The following GTF2IRD1 variants were observed in gnomAD, a reference collection of about 807,000 sequenced individuals.
GTF2IRD1 encodes GTF2I repeat domain containing 1, also known as general transcription factor II-I repeat domain-containing protein 1.
A neutral mutation model predicts 113.2 loss-of-function variants in GTF2IRD1; 26 were observed. The observed-to-expected ratio is 0.23, with a 90% CI of 0.17 to 0.32. The LOEUF is 0.32. Among genes scored for constraint, GTF2IRD1 ranks in the 10% least tolerant of loss-of-function variants. The pLI is 1.00. For synonymous variants in GTF2IRD1, 484 were observed against 529.1 expected, an observed-to-expected ratio of 0.91 and a Z score of 1.17; for missense variants, 864 against 1,280.8, an observed-to-expected ratio of 0.67 and a Z score of 4.97.
Position 74,524,270 on chromosome 7 carries a change from G to A in GTF2IRD1, c.1090+116G>A, listed in dbSNP as rs587625050. The A allele has an allele frequency of 2.9e-4, 189 of 649,480 alleles. No individual in the cohort carries two copies. The East Asian group carries it at 4.3e-3, about 15-fold the overall frequency. The allele number at this position is 649,480 out of a possible 1,614,324, so 40.2% of individuals were successfully genotyped here. A position where few individuals can be genotyped will look rare whatever the true frequency, so the allele number is the denominator to read the frequency against. On this transcript the variant is annotated intron_variant, in intron 8 of 26. Coordinates refer to ENST00000424337, the MANE Select transcript of GTF2IRD1 (RefSeq NM_005685.4). ...GCGGGAGCCATATGCTGGCTCCCGC[G>A]CGCCGGCACCGCTAATGTCATCCGT...
In GTF2IRD1 at chr7:74,555,141, G is replaced by A; in HGVS notation, c.1917-33G>A. ...GAGCAGTCCCAGAGATGCTTGGAGG[G>A]ACCTCTGTGATAGCCTCGCTTGTGT... On this transcript the variant is annotated intron_variant, in intron 17 of 26. Coordinates refer to ENST00000424337, the MANE Select transcript of GTF2IRD1 (RefSeq NM_005685.4). The surrounding 1 kb of genome is among the most constrained non-coding windows in gnomAD (Gnocchi z 5.3). 4.4e-6 allele frequency: 7 copies of A among 1,605,708 alleles called. No individual in the cohort carries two copies. Among genetic ancestry groups the A allele is most frequent in the Non-Finnish European group, 6.0e-6 (7 of 1,173,796 alleles).
chr7:74,500,081 C>T (rs1390758227), intron 1 of GTF2IRD1, among the ~76,000 whole-genome samples: 1 of 152,298 alleles, frequency 6.6e-6, no homozygotes, highest in African/African-American at 2.4e-5. Context: ...CATGTGTGCC[C>T]CTGCCGTTGA....
Position 74,564,951 on chromosome 7 carries a change from T to G in GTF2IRD1, c.2320+5296T>G, listed in dbSNP as rs587733410. The stretch of plus-strand genomic sequence containing the variant: ...AGCCTCAGAGGGCAGTGGGTGAATT[T>G]CAGGCCTCAGGTCAAGGGAGCTGTG... On this transcript the variant is annotated intron_variant, in intron 22 of 26. Coordinates refer to ENST00000424337, the MANE Select transcript of GTF2IRD1 (RefSeq NM_005685.4). Among the ~76,000 whole-genome samples, 11 of 152,180 alleles carry G rather than the reference T, an allele frequency of 7.2e-5. No individual in the cohort carries two copies. In the East Asian group the frequency reaches 1.9e-3, roughly 27 times the overall value.
chr7:74,591,374 CTTT>C (rs782483943), intron 24 of GTF2IRD1, among the ~76,000 whole-genome samples: 1 of 118,060 alleles, frequency 8.5e-6, no homozygotes, highest in Non-Finnish European at 1.7e-5. Context: ...CAGTGATTCT[CTTT>C]TTTTTTTTTT....
intron 22 of GTF2IRD1, among the ~76,000 whole-genome samples, chr7:74,584,829 C>T (rs1336541879): frequency 6.6e-6 from 1 of 152,074 alleles, no homozygotes; most frequent in Non-Finnish European, 1.5e-5. Flanking sequence ...GAGATGAAGT[C>T]TCGCTCTTGT....
At chr7:74,497,126 C>T (rs1240777349) in intron 1 of GTF2IRD1, among the ~76,000 whole-genome samples, 5 of 151,886 alleles carry the variant, frequency 3.3e-5, no homozygotes, top group Admixed American at 3.3e-4. Flanking sequence ...CACACCACTG[C>T]AATCCAGCCT....
At chr7:74,481,345 T>TG (rs1264458706) in intron 1 of GTF2IRD1, among the ~76,000 whole-genome samples, 5 of 152,016 alleles carry the variant, frequency 3.3e-5, no homozygotes, top group South Asian at 2.1e-4. Flanking sequence ...TTGTTAGAGA[T>TG]GGGGTCTTGC....
rs782273436 is a variant in GTF2IRD1 at position 74,538,168 on chromosome 7, G to A, written c.1442G>A (p.Gly481Glu). The change falls in exon 12 of 27, where the codon GGG becomes GAG. Residue 481 changes from glycine (G) to glutamate (E), a missense_variant. This residue lies in a region of GTF2IRD1 where 218 missense variants were observed against 352.6 expected (regional missense o/e 0.62). Transcript: ENST00000424337. ...AAGGGCAGCATGTCTGAAGACTGTGGGCCAGGTGAGAAGGAACAGGGCCCG... is the reference window on the plus strand; with the variant it reads ...AAGGGCAGCATGTCTGAAGACTGTGAGCCAGGTGAGAAGGAACAGGGCCCG... ...SDKGSMSEDC[G>E]PGTSGELGGL... The A allele has an allele frequency of 1.2e-6, 2 of 1,612,558 alleles. No homozygotes were observed. Among genetic ancestry groups the A allele is most frequent in the South Asian group, 2.2e-5 (2 of 91,014 alleles).
At chr7:74,536,052 G>C in intron 10 of GTF2IRD1, 115 bp from the exon 11 acceptor site, 1 of 688,100 alleles carries the variant, frequency 1.5e-6, no homozygotes, top group Non-Finnish European at 2.6e-6. Flanking sequence ...ACAGGCAGAG[G>C]CCAGGCCCTA....
chr7:74,542,519 CAA>C (rs1321334319), intron 14 of GTF2IRD1, among the ~76,000 whole-genome samples: 1 of 152,198 alleles, frequency 6.6e-6, no homozygotes, highest in Non-Finnish European at 1.5e-5. Context: ...TGGGGACAAA[CAA>C]GGGTAGAGCA....
chr7:74,538,883 C>T (rs1798464988), intron 13 of GTF2IRD1, 123 bp downstream of exon 13: 8 of 639,512 alleles, frequency 1.3e-5, no homozygotes, highest in Admixed American at 7.8e-5. Context: ...ATTCTGAGAG[C>T]CATCGGGGTA....
chr7:74,463,307 C>T (rs1312984956), intron 1 of GTF2IRD1, among the ~76,000 whole-genome samples: 2 of 152,112 alleles, frequency 1.3e-5, no homozygotes, highest in East Asian at 3.9e-4. Context: ...GCAATCATAG[C>T]TTGCTGCAGT....
At chr7:74,600,575 G>T (rs868957731) in intron 25 of GTF2IRD1, among the ~76,000 whole-genome samples, 3 of 152,134 alleles carry the variant, frequency 2.0e-5, no homozygotes, top group Non-Finnish European at 4.4e-5. Context: ...GCTGGACGTG[G>T]TGGCAGACAC....
At position 74,601,179 on chromosome 7, in the gene GTF2IRD1, T is replaced by A; in HGVS notation, c.2765T>A (p.Val922Glu). The change falls in exon 26 of 27, where the codon GTG becomes GAG. Residue 922 changes from valine (V) to glutamate (E), a missense_variant and splice_region_variant. Physicochemically the swap from Val to Glu is moderately radical, Grantham distance 121. Transcript: ENST00000424337. The stretch of plus-strand genomic sequence containing the variant: ...GCATCGGCCAACCAGATCTCACTCG[T>A]GGTAAAGTTGCACCGATTTGGACTC... ...SVASANQISL[V>E]QWPMYMVDYA... is the part of the protein sequence containing the mutation. 6.3e-7 allele frequency: 1 copy of A among 1,581,930 alleles called. No individual in the cohort carries two copies. The highest frequency in any genetic ancestry group is 2.3e-5 in the East Asian group (1 of 43,574).
rs782718315 is a variant in GTF2IRD1, at chr7:74,558,880, G to A, written c.2127G>A (p.Lys709=). The stretch of plus-strand genomic sequence containing the variant: ...CCACAGGGGAAGCCTTGGGCATCAA[G>A]TACCCGGTCCAGGTCCCCTACAAGC... ...NKKYGEALGI[K]YPVQVPYKRI... The change falls in exon 21 of 27, where the codon AAG becomes AAA. Residue 709 remains lysine (K), a synonymous_variant. Coordinates refer to ENST00000424337, the MANE Select transcript of GTF2IRD1 (RefSeq NM_005685.4). 3.1e-6 allele frequency: 5 copies of A among 1,613,346 alleles called. No individual in the cohort carries two copies. Among genetic ancestry groups the A allele is most frequent in the Non-Finnish European group, 4.2e-6 (5 of 1,179,624 alleles).
chr7:74,545,621 C>T (rs1324957479), intron 15 of GTF2IRD1, 123 bp from the exon 16 acceptor site: 2 of 727,098 alleles, frequency 2.8e-6, no homozygotes, highest in African/African-American at 1.7e-5. Flanking sequence ...CCCACCGCCC[C>T]AGCCCCAGCC....
rs182505234 is a variant in GTF2IRD1, at chr7:74,458,843, C to T, written c.-7+4667C>T. On this transcript the variant is annotated intron_variant, in intron 1 of 26. Transcript: ENST00000424337. ...CTAATTTTTGTATTTTTAGTAGAGA[C>T]GGGGTTTCACCATGTTCGCCAGGCT... Among the ~76,000 whole-genome samples the T allele has an allele frequency of 3.6e-3, 499 of 137,242 alleles. 5 individuals carry two copies. The highest frequency in any genetic ancestry group is 0.013 in the African/African-American group (460 of 35,168). 90.0% of individuals were successfully genotyped at this position (137,242 alleles called of 152,430 possible). A position where few individuals can be genotyped will look rare whatever the true frequency, so the allele number is the denominator to read the frequency against.
chr7:74,456,820 G>T (rs1355373439), intron 1 of GTF2IRD1, among the ~76,000 whole-genome samples: 1 of 152,060 alleles, frequency 6.6e-6, no homozygotes, highest in Non-Finnish European at 1.5e-5. Flanking sequence ...AGGCTGGGGG[G>T]CTTCCTTTAT....
At chr7:74,561,346 C>CAA (rs11452589) in intron 22 of GTF2IRD1, among the ~76,000 whole-genome samples, 5,881 of 77,526 alleles carry the variant, frequency 0.076, 206 homozygotes, top group East Asian at 0.12. Context: ...TAGATTGTCT[C>CAA]AAAAAAAAAA....
Sources: allele counts gnomAD v4.1 joint callset (sites outside exome capture counted in the v4.1 genomes callset), GRCh38; gene constraint gnomAD v4.1.1; regional missense constraint gnomAD v4.1.1; non-coding constraint Gnocchi (gnomAD v3.1); transcripts MANE v1.5; gene names NCBI Gene and HGNC (gene_info 2026-07-23, HGNC 2026-07-21).